Variants in NKAIN3 observed in about 807,000 individuals in gnomAD.
NKAIN3 encodes the protein sodium/potassium transporting ATPase interacting 3.
NKAIN3 carries 25 observed loss-of-function variants against 30.2 expected under a neutral mutation model. That is an observed-to-expected ratio of 0.83 (90% CI 0.60 to 1.16). The LOEUF is 1.16. NKAIN3 is among the 50% of genes most tolerant of loss of function. The pLI, the probability that NKAIN3 is intolerant of heterozygous loss-of-function variation, is 0.00. For synonymous variants in NKAIN3, 91 were observed against 89.6 expected (o/e 1.02, Z -0.09); for missense variants, 225 against 254.1 (o/e 0.89, Z 0.78).
At chr8:62,536,079 T>C (rs555443650) in intron 1 of NKAIN3, among the ~76,000 whole-genome samples, 4 of 152,284 alleles carry the variant, frequency 2.6e-5, no homozygotes, top group African/African-American at 9.6e-5. Flanking sequence ...CATATATATG[T>C]GACTATATAT....
At chr8:62,580,906 T>TTATATATA (rs71255350) in intron 2 of NKAIN3, among the ~76,000 whole-genome samples, 2,423 of 112,190 alleles carry the variant, frequency 0.022, 24 homozygotes, top group African/African-American at 0.035. Context: ...GCTAGGGTTT[T>TTATATATA]TATATATATA....
At chr8:62,333,140 T>G (rs1815411824) in intron 1 of NKAIN3, among the ~76,000 whole-genome samples, 3 of 152,136 alleles carry the variant, frequency 2.0e-5, no homozygotes, top group Admixed American at 6.5e-5. Flanking sequence ...CTCTATCAAC[T>G]TTTCCCTTAA....
In NKAIN3 at chr8:62,748,459, G is replaced by A. The variant is rs1406630303; in HGVS notation, c.471+1330G>A. On this transcript the variant is annotated intron_variant, in intron 4 of 6. Transcript: ENST00000623646. ...CGTGAGTAATGCTTGCTATTGCTTC[G>A]TTGGCTACAGCAAATCTATGACTCA... Among the ~76,000 whole-genome samples the A allele has an allele frequency of 7.9e-5, 12 of 152,160 alleles. 1 individual carries two copies. The highest frequency in any genetic ancestry group is 1.4e-4 in the African/African-American group (6 of 41,438).
At chr8:62,647,750 G>C (rs907520641) in intron 3 of NKAIN3, among the ~76,000 whole-genome samples, 2 of 152,192 alleles carry the variant, frequency 1.3e-5, no homozygotes, top group Non-Finnish European at 2.9e-5. Context: ...TTGCCGAAAG[G>C]CAAGAAGTGA....
intron 3 of NKAIN3, among the ~76,000 whole-genome samples, chr8:62,686,344 T>C (rs1196687974): frequency 1.3e-5 from 2 of 152,160 alleles, no homozygotes; most frequent in East Asian, 3.8e-4. Flanking sequence ...CTATTCCTAC[T>C]CTCCTGTGCC....
intron 4 of NKAIN3, among the ~76,000 whole-genome samples, chr8:62,764,963 C>T (rs1816784693): frequency 6.6e-6 from 1 of 152,074 alleles, no homozygotes; most frequent in South Asian, 2.1e-4. Context: ...ATGTCAGGTT[C>T]TCTAGGCGTG....
chr8:62,960,498 C>T lies in NKAIN3; in HGVS notation c.604-4856C>T, dbSNP rs767156567. 6.6e-5 allele frequency among the ~76,000 whole-genome samples: 10 copies of T among 151,718 alleles called. No homozygotes were observed. The South Asian group carries it at 1.9e-3, about 28-fold the overall frequency. ...TTATGCAGTGATGTGGAGATATAGT[C>T]CACCACCACCCCTGAAAAAAAAAAT... On this transcript the variant is annotated intron_variant, in intron 6 of 6. Transcript: ENST00000623646.
chr8:62,798,736 T>C (rs1297344741), intron 4 of NKAIN3, among the ~76,000 whole-genome samples: 2 of 152,208 alleles, frequency 1.3e-5, no homozygotes, highest in Non-Finnish European at 2.9e-5. Context: ...TGTTGTTGTT[T>C]AAGCCAATCA....
rs1811978964 is a variant in NKAIN3 at position 62,248,862 on chromosome 8, C to CT, written c.-211dup. 3.8e-6 allele frequency: 2 copies of CT among 522,808 alleles called. No individual in the cohort carries two copies. Among genetic ancestry groups the CT allele is most frequent in the African/African-American group, 2.1e-5 (1 of 48,728 alleles). The allele number at this position is 522,808 out of a possible 1,614,324, so 32.4% of individuals were successfully genotyped here. A position where few individuals can be genotyped will look rare whatever the true frequency, so the allele number is the denominator to read the frequency against. ...GGGACGCAGGGACCCCCGCCAGACG[C>CT]TCGGGTCGTGCGCACCGCACTGACC... is the stretch of plus-strand genomic sequence containing the variant. On this transcript the variant is annotated 5_prime_UTR_variant, in exon 1 of 7. Transcript: ENST00000623646.
chr8:62,409,220 T>C (rs1804166265), intron 1 of NKAIN3, among the ~76,000 whole-genome samples: 1 of 152,192 alleles, frequency 6.6e-6, no homozygotes, highest in Non-Finnish European at 1.5e-5. Context: ...GTTTCGCTCT[T>C]GTTGCCCAGG....
chr8:62,302,372 A>G (rs560240847), intron 1 of NKAIN3, among the ~76,000 whole-genome samples: 4 of 152,228 alleles, frequency 2.6e-5, no homozygotes, highest in East Asian at 3.9e-4. Flanking sequence ...CTACAGGTCA[A>G]TATTTCAAAG....
chr8:62,595,386 T>TTG (rs1308802902), intron 3 of NKAIN3, among the ~76,000 whole-genome samples: 1 of 117,550 alleles, frequency 8.5e-6, no homozygotes, highest in Non-Finnish European at 2.0e-5. Flanking sequence ...TATTTTCTTT[T>TTG]TTTTTTTTTT....
intron 1 of NKAIN3, among the ~76,000 whole-genome samples, chr8:62,385,366 A>G (rs1354850219): frequency 1.3e-5 from 2 of 152,152 alleles, no homozygotes; most frequent in Admixed American, 1.3e-4. Flanking sequence ...TCCATTTTAC[A>G]TATTATAAAC....
At chr8:62,632,659 T>C (rs139049428) in intron 3 of NKAIN3, among the ~76,000 whole-genome samples, 2,850 of 152,120 alleles carry the variant, frequency 0.019, 35 homozygotes, top group Non-Finnish European at 0.032. Context: ...TGTGCCACCA[T>C]GCCTGGCTAA....
At chr8:62,530,110 A>T (rs1054557305) in intron 1 of NKAIN3, among the ~76,000 whole-genome samples, 11 of 152,306 alleles carry the variant, frequency 7.2e-5, no homozygotes, top group African/African-American at 2.4e-4. Flanking sequence ...CAAAGGGGAC[A>T]ACAGTATAAA....
chr8:62,804,555 G>A (rs1410962270), intron 4 of NKAIN3, among the ~76,000 whole-genome samples: 1 of 152,090 alleles, frequency 6.6e-6, no homozygotes, highest in African/African-American at 2.4e-5. Flanking sequence ...AAAACCACAC[G>A]ATTATCTCAA....
chr8:62,383,026 G>C (rs1288052801), intron 1 of NKAIN3, among the ~76,000 whole-genome samples: 1 of 152,098 alleles, frequency 6.6e-6, no homozygotes, highest in African/African-American at 2.4e-5. Flanking sequence ...TGTTTAATGA[G>C]CCTCAAAGGT....
At chr8:62,355,242 A>C (rs1044813480) in intron 1 of NKAIN3, among the ~76,000 whole-genome samples, 1 of 152,146 alleles carries the variant, frequency 6.6e-6, no homozygotes, top group Non-Finnish European at 1.5e-5. Flanking sequence ...CCACATCAGC[A>C]TTTTCATGAT....
At chr8:62,323,392 G>A (rs183361972) in intron 1 of NKAIN3, among the ~76,000 whole-genome samples, 57 of 152,232 alleles carry the variant, frequency 3.7e-4, no homozygotes, top group African/African-American at 1.2e-3. Flanking sequence ...AAATATTGAG[G>A]CACGGGAAAG....
Sources: gnomAD v4.1 joint callset for allele counts (sites outside exome capture counted in the v4.1 genomes callset) on GRCh38, gnomAD v4.1.1 for gene constraint, MANE v1.5 for transcripts, NCBI Gene and HGNC (gene_info 2026-07-23, HGNC 2026-07-21) for gene names.